The following PGAP1 variants were observed in gnomAD, a reference collection of about 807,000 sequenced individuals.
PGAP1 encodes GPI inositol-deacylase.
PGAP1 carries 76 observed loss-of-function variants against 127.0 expected under a neutral mutation model. The ratio of observed to expected loss-of-function variants is 0.60; its 90% CI spans 0.50 to 0.72. The LOEUF (loss-of-function observed/expected upper bound fraction) is 0.72, where lower values mean the gene tolerates loss of function less well. Ranked by LOEUF, PGAP1 falls within the 30% of genes least tolerant of loss-of-function variation. The pLI is 0.00. For synonymous variants in PGAP1, 362 were observed against 366.5 expected (o/e 0.99, Z 0.14); for missense variants, 982 against 1,071.3 (o/e 0.92, Z 1.16).
chr2:196,906,927 A>G lies in PGAP1; in HGVS notation c.650-4185T>C, dbSNP rs375577849. ...AAAAGAATAAAAAGAAATGAGCAAAACCTCCAAGAAATATGGGTCTATGTG... is the reference window on the plus strand; with the variant it reads ...AAAAGAATAAAAAGAAATGAGCAAAGCCTCCAAGAAATATGGGTCTATGTG... On this transcript the variant is annotated intron_variant, in intron 4 of 26. Coordinates refer to ENST00000354764, the MANE Select transcript of PGAP1 (RefSeq NM_024989.4). Among the ~76,000 whole-genome samples, 1,119 of 129,790 alleles carry G rather than the reference A, an allele frequency of 8.6e-3. 3 individuals are homozygous for G. The highest frequency in any genetic ancestry group is 0.015 in the African/African-American group (459 of 30,480). 85.1% of individuals were successfully genotyped at this position (129,790 alleles called of 152,430 possible). A position where few individuals can be genotyped will look rare whatever the true frequency, so the allele number is the denominator to read the frequency against.
At chr2:196,892,174 A>G (rs1702119992) in intron 9 of PGAP1, among the ~76,000 whole-genome samples, 172 bp downstream of exon 9, 1 of 152,126 alleles carries the variant, frequency 6.6e-6, no homozygotes, top group Non-Finnish European at 1.5e-5. Context: ...AGCAAAAAAG[A>G]TAAATTTATG....
chr2:196,873,480 T>A, intron 16 of PGAP1, 48 bp downstream of exon 16: 1 of 1,435,320 alleles, frequency 7.0e-7, no homozygotes, highest in Non-Finnish European at 9.6e-7. Context: ...TATTGAGTCT[T>A]CAAATGACAA....
At chr2:196,856,164 A>C (rs1700876965) in intron 20 of PGAP1, among the ~76,000 whole-genome samples, 1 of 151,880 alleles carries the variant, frequency 6.6e-6, no homozygotes, top group Non-Finnish European at 1.5e-5. Context: ...CAGGCATACA[A>C]CACCATGCCT....
intron 20 of PGAP1, among the ~76,000 whole-genome samples, chr2:196,858,238 A>G (rs969788450): frequency 6.8e-6 from 1 of 146,806 alleles, no homozygotes; most frequent in African/African-American, 2.7e-5. Context: ...TGTCTCTACT[A>G]AAAATACAAA....
At position 196,839,694 on chromosome 2, in the gene PGAP1, GAGAAGAGAAGTT is replaced by G. The variant is rs1277082173; in HGVS notation, c.*1528_*1539del. Reference sequence around the variant, plus strand: ...AATAGCCAGGACCTGAGGAAGAACTGAGAAGAGAAGTTAGGTAACTCTCTACAGGCAGTAAGC... The same window carrying G: ...AATAGCCAGGACCTGAGGAAGAACTGAGGTAACTCTCTACAGGCAGTAAGC... On this transcript the variant is annotated 3_prime_UTR_variant, in exon 27 of 27. Coordinates refer to ENST00000354764, the MANE Select transcript of PGAP1 (RefSeq NM_024989.4). The G allele has an allele frequency of 2.0e-5, 3 of 152,226 alleles. No homozygotes were observed. The highest frequency in any genetic ancestry group is 4.4e-5 in the Non-Finnish European group (3 of 68,064). The allele number at this position is 152,226 out of a possible 1,614,324, so 9.4% of individuals were successfully genotyped here.
chr2:196,841,679 G>A (rs1700418216), intron 26 of PGAP1, among the ~76,000 whole-genome samples: 2 of 152,134 alleles, frequency 1.3e-5, no homozygotes, highest in East Asian at 1.9e-4. Flanking sequence ...CACCACACCT[G>A]GCTAATTTTT....
chr2:196,915,605 C>T (rs893106448), intron 3 of PGAP1, among the ~76,000 whole-genome samples: 3 of 152,134 alleles, frequency 2.0e-5, no homozygotes, highest in Non-Finnish European at 2.9e-5. Flanking sequence ...CCTTCCATAT[C>T]TGATCTGCCA....
chr2:196,904,464 G>A (rs575344419), intron 4 of PGAP1, among the ~76,000 whole-genome samples: 88 of 152,262 alleles, frequency 5.8e-4, no homozygotes, highest in African/African-American at 2.0e-3. Flanking sequence ...GCAGCTGGGC[G>A]CAGTGGCTCC....
intron 20 of PGAP1, among the ~76,000 whole-genome samples, chr2:196,853,408 CAT>C (rs1700780539): frequency 1.3e-5 from 2 of 152,330 alleles, no homozygotes; most frequent in South Asian, 2.1e-4. Flanking sequence ...AACTATGTCA[CAT>C]GTTTTTACTT....
intron 20 of PGAP1, among the ~76,000 whole-genome samples, chr2:196,863,902 T>G (rs1701152101): frequency 1.3e-5 from 2 of 152,028 alleles, no homozygotes; most frequent in Non-Finnish European, 2.9e-5. Flanking sequence ...AATAATTTAT[T>G]GTATATTTTA....
intron 13 of PGAP1, among the ~76,000 whole-genome samples, chr2:196,878,499 A>G (rs895979445): frequency 1.3e-5 from 2 of 152,138 alleles, no homozygotes; most frequent in Non-Finnish European, 2.9e-5. Context: ...CCTGTCAGAA[A>G]GTTTTTAGAG....
At chr2:196,843,632 T>G (rs1382170400) in intron 25 of PGAP1, among the ~76,000 whole-genome samples, 1 of 152,026 alleles carries the variant, frequency 6.6e-6, no homozygotes, top group Non-Finnish European at 1.5e-5. Context: ...GTGAATGTAT[T>G]AAAAATAAAT....
chr2:196,896,498 T>C (rs1042766685), intron 7 of PGAP1, among the ~76,000 whole-genome samples: 2 of 152,146 alleles, frequency 1.3e-5, no homozygotes, highest in South Asian at 2.1e-4. Flanking sequence ...GTTTACAATG[T>C]ATTACAAAAA....
chr2:196,884,317 C>G (rs188877444), intron 12 of PGAP1, among the ~76,000 whole-genome samples: 139 of 152,132 alleles, frequency 9.1e-4, no homozygotes, highest in African/African-American at 3.3e-3. Flanking sequence ...TAAGTATATC[C>G]TAACACTTTT....
chr2:196,846,404 A>C (rs1700556757), intron 22 of PGAP1, among the ~76,000 whole-genome samples: 1 of 152,114 alleles, frequency 6.6e-6, no homozygotes, highest in Non-Finnish European at 1.5e-5. Context: ...CAGAACCCCT[A>C]TCTGAAGCAT....
chr2:196,892,161 A>G (rs1013539170), intron 9 of PGAP1, among the ~76,000 whole-genome samples, 185 bp downstream of exon 9: 1 of 152,118 alleles, frequency 6.6e-6, no homozygotes, highest in African/African-American at 2.4e-5. Flanking sequence ...CGTCAAAGAA[A>G]ACAGCAAAAA....
intron 20 of PGAP1, 32 bp downstream of exon 20, chr2:196,864,955 A>G: frequency 7.9e-7 from 1 of 1,271,028 alleles, no homozygotes; most frequent in South Asian, 1.6e-5. Context: ...TATTCATAAC[A>G]AAAGTAACTT....
chr2:196,833,757 A>T lies in PGAP1; in HGVS notation c.*7477T>A, dbSNP rs549215221. The T allele has an allele frequency of 3.3e-5, 5 of 152,274 alleles. No homozygotes were observed. The highest frequency in any genetic ancestry group is 1.2e-4 in the African/African-American group (5 of 41,580). The allele number at this position is 152,274 out of a possible 1,614,324, so 9.4% of individuals were successfully genotyped here. On this transcript the variant is annotated 3_prime_UTR_variant, in exon 27 of 27. Transcript: ENST00000354764. ...TGAAAAATATACAACAACTGTGAGT[A>T]CACAGAAATGTGGGCATCTTTTATC...
chr2:196,896,806 G>A (rs1702291387), intron 7 of PGAP1, among the ~76,000 whole-genome samples: 1 of 134,060 alleles, frequency 7.5e-6, no homozygotes, highest in Non-Finnish European at 1.5e-5. Flanking sequence ...TCCAGCCTGT[G>A]CAACAGAGTG....
Sources: allele counts gnomAD v4.1 joint callset (sites outside exome capture counted in the v4.1 genomes callset), GRCh38; gene constraint gnomAD v4.1.1; transcripts MANE v1.5; gene names NCBI Gene and HGNC (gene_info 2026-07-23, HGNC 2026-07-21).